Variants in FBXO36 observed in about 807,000 individuals in gnomAD.
FBXO36 encodes the protein F-box protein 36, also known as F-box only protein 36.
FBXO36 carries 18 observed loss-of-function variants against 17.0 expected under a neutral mutation model. That is an observed-to-expected ratio of 1.06 (90% CI 0.73 to 1.57). FBXO36 has a LOEUF of 1.57. FBXO36 is among the 40% of genes most tolerant of loss of function. FBXO36 has a pLI of 0.00. For synonymous variants in FBXO36, 83 were observed against 85.3 expected (o/e 0.97, Z 0.15); for missense variants, 229 against 221.9 (o/e 1.03, Z -0.20).
At chr2:229,969,227 CT>C (rs1477265989) in intron 1 of FBXO36, among the ~76,000 whole-genome samples, 1 of 143,202 alleles carries the variant, frequency 7.0e-6, no homozygotes, top group African/African-American at 2.6e-5. Flanking sequence ...TTTTTTTTTT[CT>C]TTTTTGAGAC....
In FBXO36 at chr2:230,011,070, C is replaced by T; in HGVS notation, c.*186C>T. The stretch of plus-strand genomic sequence containing the variant: ...GCTCCCCAGTGCCTTGCTAGAGTCA[C>T]CGTCATTCTGAGGTCAAATCATGGC... On this transcript the variant is annotated 3_prime_UTR_variant, in exon 4 of 4. Coordinates refer to ENST00000283946, the MANE Select transcript of FBXO36 (RefSeq NM_174899.5). The T allele has an allele frequency of 1.6e-6, 1 of 607,672 alleles. No homozygotes were observed. Among genetic ancestry groups the T allele is most frequent in the Non-Finnish European group, 2.8e-6 (1 of 363,124 alleles). The allele number at this position is 607,672 out of a possible 1,614,324, so 37.6% of individuals were successfully genotyped here.
intron 1 of FBXO36, among the ~76,000 whole-genome samples, chr2:229,967,897 G>T (rs2077161652): frequency 6.6e-6 from 1 of 152,162 alleles, no homozygotes; most frequent in Admixed American, 6.5e-5. Flanking sequence ...CTCGTAAAAT[G>T]AGTTAGGGAG....
intron 1 of FBXO36, among the ~76,000 whole-genome samples, chr2:229,931,922 T>A (rs1328577711): frequency 2.1e-4 from 31 of 148,794 alleles, no homozygotes; most frequent in African/African-American, 4.1e-4. Context: ...GTGTATATAT[T>A]TTTTTTTTTT....
At chr2:229,995,694 G>A (rs2077323423) in intron 2 of FBXO36, among the ~76,000 whole-genome samples, 1 of 147,396 alleles carries the variant, frequency 6.8e-6, no homozygotes, top group Non-Finnish European at 1.5e-5. Context: ...CCGGGTTCAA[G>A]CAATTGTCCT....
At chr2:229,995,146 T>C (rs1364824518) in intron 2 of FBXO36, among the ~76,000 whole-genome samples, 1 of 151,980 alleles carries the variant, frequency 6.6e-6, no homozygotes, top group Admixed American at 6.6e-5. Context: ...TTTTCCAATA[T>C]TTAAAAAAAT....
chr2:229,999,520 T>G (rs1164457734), intron 3 of FBXO36, among the ~76,000 whole-genome samples: 1 of 149,106 alleles, frequency 6.7e-6, no homozygotes, highest in African/African-American at 2.5e-5. Flanking sequence ...TATATATGTA[T>G]GTGTATATAT....
intron 1 of FBXO36, among the ~76,000 whole-genome samples, chr2:229,975,567 C>T (rs796409338): frequency 8.0e-5 from 12 of 150,358 alleles, no homozygotes; most frequent in African/African-American, 2.4e-4. Context: ...CTCAACCTCA[C>T]GGGCTCAGGG....
chr2:229,952,032 T>C (rs1409629653), intron 1 of FBXO36, among the ~76,000 whole-genome samples: 1 of 152,232 alleles, frequency 6.6e-6, no homozygotes, highest in Non-Finnish European at 1.5e-5. Flanking sequence ...AAACTTTTTT[T>C]CAAGAAAATG....
chr2:229,988,550 T>C (rs1187443954), intron 2 of FBXO36, among the ~76,000 whole-genome samples: 1 of 152,190 alleles, frequency 6.6e-6, no homozygotes, highest in Admixed American at 6.5e-5. Context: ...TTTTTTGTTT[T>C]TGAGACCGAG....
At chr2:229,977,995 T>C (rs1241729628) in intron 2 of FBXO36, among the ~76,000 whole-genome samples, 2 of 152,162 alleles carry the variant, frequency 1.3e-5, no homozygotes, top group Admixed American at 6.5e-5. Flanking sequence ...TTCATACCTG[T>C]AATCCTTGCA....
At chr2:229,930,836 G>A (rs1299438209) in intron 1 of FBXO36, among the ~76,000 whole-genome samples, 5 of 152,220 alleles carry the variant, frequency 3.3e-5, no homozygotes, top group East Asian at 1.9e-4. Flanking sequence ...AGCCCTCCTC[G>A]AGGTGTGCTG....
chr2:229,944,602 T>C (rs1178778838), intron 1 of FBXO36, among the ~76,000 whole-genome samples: 1 of 148,200 alleles, frequency 6.7e-6, no homozygotes, highest in Non-Finnish European at 1.5e-5. Flanking sequence ...CTTTTTTTTT[T>C]TTTTTTTTGA....
chr2:230,004,952 G>GC (rs2077379328), intron 3 of FBXO36, among the ~76,000 whole-genome samples: 1 of 152,156 alleles, frequency 6.6e-6, no homozygotes, highest in South Asian at 2.1e-4. Flanking sequence ...TTTGCAGTGA[G>GC]CCGAGATTGA....
chr2:229,995,254 T>A (rs1348773831), intron 2 of FBXO36, among the ~76,000 whole-genome samples: 2 of 152,330 alleles, frequency 1.3e-5, no homozygotes, highest in Non-Finnish European at 2.9e-5. Flanking sequence ...TGTTTACATT[T>A]AAACATCTAT....
At chr2:229,957,446 G>A (rs570710712) in intron 1 of FBXO36, among the ~76,000 whole-genome samples, 14 of 152,176 alleles carry the variant, frequency 9.2e-5, no homozygotes, top group Non-Finnish European at 1.3e-4. Context: ...GCGTGGTGGC[G>A]GGCGCCTGTA....
chr2:229,981,813 C>G (rs2077242073), intron 2 of FBXO36, among the ~76,000 whole-genome samples: 1 of 151,540 alleles, frequency 6.6e-6, no homozygotes, highest in Non-Finnish European at 1.5e-5. Context: ...TAAGGAAATA[C>G]CTGAGAATGG....
At chr2:229,926,125 T>TAA (rs34162848) in intron 1 of FBXO36, among the ~76,000 whole-genome samples, 3,749 of 103,398 alleles carry the variant, frequency 0.036, 204 homozygotes, top group African/African-American at 0.12. Context: ...CCCCTTCTCT[T>TAA]AAAAAAAAAA....
At chr2:229,948,921 C>T (rs767731429) in intron 1 of FBXO36, among the ~76,000 whole-genome samples, 3 of 152,210 alleles carry the variant, frequency 2.0e-5, no homozygotes, top group Non-Finnish European at 4.4e-5. Context: ...GCAGCCTTCG[C>T]CTCCCGAGTT....
At chr2:229,980,367 T>G (rs568149728) in intron 2 of FBXO36, among the ~76,000 whole-genome samples, 1 of 150,028 alleles carries the variant, frequency 6.7e-6, no homozygotes, top group African/African-American at 2.4e-5. Context: ...CTGCCTCCAT[T>G]TTATTTTCTA....
Sources: allele counts gnomAD v4.1 joint callset (sites outside exome capture counted in the v4.1 genomes callset), GRCh38; gene constraint gnomAD v4.1.1; transcripts MANE v1.5; gene names NCBI Gene and HGNC (gene_info 2026-07-23, HGNC 2026-07-21).